RLF: variants seen among roughly 807,000 people sequenced by gnomAD.
RLF encodes the protein RLF zinc finger, also known as zinc finger protein Rlf.
Under a neutral mutation model 162.9 loss-of-function variants are expected in RLF, and 7 were observed. The observed-to-expected ratio is 0.04, with a 90% confidence interval of 0.02 to 0.08. The LOEUF (loss-of-function observed/expected upper bound fraction) is 0.08, where lower values mean the gene tolerates loss of function less well. RLF is among the 10% of genes least tolerant of loss of function. RLF has a pLI of 1.00. For synonymous variants in RLF, 782 were observed against 791.5 expected (o/e 0.99, Z 0.20); for missense variants, 1,664 against 2,244.7 (o/e 0.74, Z 5.23).
intron 3 of RLF, among the ~76,000 whole-genome samples, chr1:40,191,205 A>G (rs1338882137): frequency 1.3e-5 from 2 of 152,184 alleles, no homozygotes; most frequent in African/African-American, 4.8e-5. Context: ...ACACTATTTC[A>G]TTACATCTAA....
chr1:40,240,665 TAAA>T lies in RLF; in HGVS notation c.*223_*225del, dbSNP rs1043336325. On this transcript the variant is annotated 3_prime_UTR_variant, in exon 8 of 8. Transcript: ENST00000372771. ...GGTTTATTTTTGTTTGTTTGTTTAT[TAAA>T]AAAATGGAACTGTACACTTGTTTGG... 1.6e-5 allele frequency: 8 copies of T among 504,018 alleles called. No individual in the cohort carries two copies. Among genetic ancestry groups the T allele is most frequent in the African/African-American group, 1.9e-5 (1 of 51,828 alleles). The allele number at this position is 504,018 out of a possible 1,614,324, so 31.2% of individuals were successfully genotyped here.
At chr1:40,165,267 C>A (rs1642149239) in intron 1 of RLF, among the ~76,000 whole-genome samples, 2 of 152,248 alleles carry the variant, frequency 1.3e-5, no homozygotes, top group Admixed American at 6.5e-5. Flanking sequence ...TTCAGGAGTT[C>A]TTTACTTGGA....
intron 6 of RLF, among the ~76,000 whole-genome samples, chr1:40,229,132 T>C (rs16827071): frequency 0.056 from 8,550 of 152,304 alleles, 791 homozygotes; most frequent in African/African-American, 0.2. Context: ...TTTATCGTTA[T>C]AATCAGGATT....
intron 4 of RLF, among the ~76,000 whole-genome samples, chr1:40,196,421 T>A (rs1642637652): frequency 6.6e-6 from 1 of 151,794 alleles, no homozygotes; most frequent in African/African-American, 2.4e-5. Flanking sequence ...ATGAAAAAAG[T>A]TTTTTTTATT....
chr1:40,240,256 A>G lies in RLF; in HGVS notation c.5554A>G (p.Thr1852Ala). The change falls in exon 8 of 8, where the codon ACA becomes GCA. Residue 1852 changes from threonine to alanine, a missense_variant. By Grantham distance (58) the Thr-to-Ala change is moderately conservative (BLOSUM62 0). This residue lies in a region of RLF where 327 missense variants were observed against 342.7 expected (regional missense o/e 0.95). Coordinates refer to ENST00000372771, the MANE Select transcript of RLF (RefSeq NM_012421.4). ...CCCACCTTTAATAGTAGCTGAAACA[A>G]CAACAGTTCCTTCCTTGGAAAACCT... Reference protein sequence around the residue: ...AIPPLIVAETTTVPSLENLRV... With the variant: ...AIPPLIVAETATVPSLENLRV... The G allele has an allele frequency of 6.2e-7, 1 of 1,614,216 alleles. No individual in the cohort carries two copies. The highest frequency in any genetic ancestry group is 8.5e-7 in the Non-Finnish European group (1 of 1,180,034).
chr1:40,231,078 G>T (rs1043062801), intron 6 of RLF, among the ~76,000 whole-genome samples: 1 of 152,006 alleles, frequency 6.6e-6, no homozygotes, highest in Non-Finnish European at 1.5e-5. Flanking sequence ...GGCCCTTTAA[G>T]ATCACTGTAT....
chr1:40,170,511 G>A (rs1487434025), intron 1 of RLF, among the ~76,000 whole-genome samples: 1 of 152,144 alleles, frequency 6.6e-6, no homozygotes, highest in Non-Finnish European at 1.5e-5. Flanking sequence ...GCCTCCCAAA[G>A]TGCTGGGATT....
In RLF at chr1:40,237,681, G is replaced by A; in HGVS notation, c.2979G>A (p.Leu993=). Residue 993 remains leucine (L), a synonymous_variant, in exon 8 of 8, where the codon CTG becomes CTA. Transcript: ENST00000372771. This position sits in a 1 kb window ranked among gnomAD's most constrained non-coding sequence, Gnocchi z 4.4. Reference sequence around the variant, plus strand: ...CCAAAAAGATAAAGACGAAAGATCTGTTTCCCTCTTTGGGTAATGAACATA... The same window carrying A: ...CCAAAAAGATAAAGACGAAAGATCTATTTCCCTCTTTGGGTAATGAACATA... ...FKPKKIKTKD[L]FPSLGNEHNQ... is the part of the protein sequence containing the mutation. 6.2e-7 allele frequency: 1 copy of A among 1,614,100 alleles called. No individual in the cohort carries two copies. The highest frequency in any genetic ancestry group is 8.5e-7 in the Non-Finnish European group (1 of 1,179,988).
At chr1:40,165,845 A>C (rs1642158800) in intron 1 of RLF, among the ~76,000 whole-genome samples, 1 of 152,176 alleles carries the variant, frequency 6.6e-6, no homozygotes, top group Non-Finnish European at 1.5e-5. Context: ...AAAGCCTTTT[A>C]GAATCCAGAC....
chr1:40,200,886 A>G, intron 4 of RLF, among the ~76,000 whole-genome samples: 1 of 98,596 alleles, frequency 1.0e-5, no homozygotes, highest in Non-Finnish European at 2.1e-5. Context: ...ACACACACAC[A>G]CACACACACA....
At chr1:40,233,317 A>C (rs1462243522) in intron 7 of RLF, among the ~76,000 whole-genome samples, 2 of 152,136 alleles carry the variant, frequency 1.3e-5, no homozygotes, top group Non-Finnish European at 2.9e-5. Context: ...ATTTCTGGTT[A>C]CTTTTCTTTG....
chr1:40,234,948 C>T (rs1418590667), intron 7 of RLF, among the ~76,000 whole-genome samples: 1 of 151,948 alleles, frequency 6.6e-6, no homozygotes, highest in Non-Finnish European at 1.5e-5. Flanking sequence ...ATTCAGTACA[C>T]CTGTGACGGT....
chr1:40,240,315 T>C lies in RLF; in HGVS notation c.5613T>C (p.Cys1871=). 2.5e-6 allele frequency: 4 copies of C among 1,614,208 alleles called. No homozygotes were observed. In the South Asian group the frequency reaches 3.3e-5, roughly 13 times the overall value. ...RVVLDKALTD[C]GELALKQLHY... ...TATTGGACAAAGCATTAACAGACTGTGGAGAGCTTGCCTTAAAACAGCTTC... is the reference window on the plus strand; with the variant it reads ...TATTGGACAAAGCATTAACAGACTGCGGAGAGCTTGCCTTAAAACAGCTTC... Residue 1871 remains cysteine, a synonymous_variant, in exon 8 of 8, where the codon TGT becomes TGC. Coordinates refer to ENST00000372771, the MANE Select transcript of RLF (RefSeq NM_012421.4).
Position 40,240,414 on chromosome 1 carries a change from A to G in RLF, c.5712A>G (p.Lys1904=). 6.2e-7 allele frequency: 1 copy of G among 1,613,968 alleles called. No individual in the cohort carries two copies. The highest frequency in any genetic ancestry group is 8.5e-7 in the Non-Finnish European group (1 of 1,179,976). ...STPILDLFPT[K]KTDELCVGSS The stretch of plus-strand genomic sequence containing the variant: ...CAATTTTAGACTTATTTCCAACAAA[A>G]AAGACAGATGAGCTTTGTGTAGGAA... Residue 1904 remains lysine (K), a synonymous_variant, in exon 8 of 8, where the codon AAA becomes AAG. Coordinates refer to ENST00000372771, the MANE Select transcript of RLF (RefSeq NM_012421.4).
intron 1 of RLF, among the ~76,000 whole-genome samples, chr1:40,176,690 G>A (rs1046349664): frequency 1.3e-4 from 20 of 152,214 alleles, no homozygotes; most frequent in African/African-American, 3.9e-4. Flanking sequence ...CGATCCTCCC[G>A]CCTTGGCCTT....
intron 3 of RLF, 137 bp from the exon 4 acceptor site, chr1:40,195,495 A>G (rs560341840): frequency 4.7e-6 from 3 of 635,814 alleles, no homozygotes; most frequent in Non-Finnish European, 7.7e-6. Flanking sequence ...GGCTTTGAGT[A>G]TAGTCTTTTT....
rs78171969 is a variant in RLF at position 40,215,439 on chromosome 1, C to G, written c.811-7135C>G. ...GATTGAAATACATAAAGTATGTTCT[C>G]TAACTACAGTAAAATAAAATTAGAA... On this transcript the variant is annotated intron_variant, in intron 5 of 7. Transcript: ENST00000372771. Among the ~76,000 whole-genome samples the G allele has an allele frequency of 9.6e-3, 1,458 of 152,084 alleles. 14 individuals carry two copies. The highest frequency in any genetic ancestry group is 0.016 in the Non-Finnish European group (1,073 of 67,998).
At chr1:40,183,460 C>A (rs563385577) in intron 1 of RLF, among the ~76,000 whole-genome samples, 1 of 152,230 alleles carries the variant, frequency 6.6e-6, no homozygotes, top group East Asian at 1.9e-4. Flanking sequence ...AAACATTCCC[C>A]AGAAGCATTC....
intron 2 of RLF, among the ~76,000 whole-genome samples, chr1:40,189,937 A>G (rs950431869): frequency 6.6e-6 from 1 of 152,226 alleles, no homozygotes; most frequent in Non-Finnish European, 1.5e-5. Flanking sequence ...TTAGCTGGGC[A>G]TCACCTTGTT....
Sources: gnomAD v4.1 joint callset for allele counts (sites outside exome capture counted in the v4.1 genomes callset) on GRCh38, gnomAD v4.1.1 for gene constraint, gnomAD v4.1.1 regional missense constraint, Gnocchi (gnomAD v3.1) non-coding constraint, MANE v1.5 for transcripts, NCBI Gene and HGNC (gene_info 2026-07-23, HGNC 2026-07-21) for gene names.